MYO1D: variants seen among roughly 807,000 people sequenced by gnomAD.
The protein encoded by MYO1D is unconventional myosin-Id.
In MYO1D, 83 loss-of-function variants were observed where a neutral mutation model predicts 122.0. That is an observed-to-expected ratio of 0.68 (90% CI 0.57 to 0.82). The LOEUF (loss-of-function observed/expected upper bound fraction) is 0.82. Among genes scored for constraint, MYO1D ranks in the 40% least tolerant of loss-of-function variants. The probability of loss-of-function intolerance (pLI) is 0.00; values close to 1 mark genes in which losing one functional copy is unlikely to be tolerated. For synonymous variants in MYO1D, 464 were observed against 446.9 expected (o/e 1.04, Z -0.48); for missense variants, 1,157 against 1,269.5 (o/e 0.91, Z 1.35).
chr17:32,551,906 T>C (rs1233130382), intron 21 of MYO1D, among the ~76,000 whole-genome samples: 2 of 152,170 alleles, frequency 1.3e-5, no homozygotes, highest in African/African-American at 4.8e-5. Context: ...GCTTTGTCCT[T>C]AGCCTAGAAG....
intron 1 of MYO1D, among the ~76,000 whole-genome samples, chr17:32,783,623 T>C (rs893774953): frequency 5.9e-5 from 9 of 152,226 alleles, no homozygotes; most frequent in African/African-American, 2.2e-4. Flanking sequence ...CACAAAACGT[T>C]AGAAGCTCAT....
intron 21 of MYO1D, among the ~76,000 whole-genome samples, chr17:32,524,564 CT>C (rs11323072): frequency 0.062 from 7,402 of 119,226 alleles, 443 homozygotes; most frequent in African/African-American, 0.18. Flanking sequence ...CTGATTAATT[CT>C]TTTTTTTTTT....
intron 21 of MYO1D, among the ~76,000 whole-genome samples, chr17:32,528,358 TG>T (rs1327177500): frequency 2.9e-4 from 44 of 152,206 alleles, no homozygotes; most frequent in African/African-American, 1.0e-3. Context: ...AGGAAGTGCA[TG>T]GCAGAGCTGG....
chr17:32,608,881 T>C (rs1300285438), intron 20 of MYO1D, among the ~76,000 whole-genome samples: 1 of 152,166 alleles, frequency 6.6e-6, no homozygotes, highest in East Asian at 1.9e-4. Context: ...ACAGGCATTA[T>C]GGTTGAATGA....
At chr17:32,550,133 T>C (rs9901088) in intron 21 of MYO1D, among the ~76,000 whole-genome samples, 12,400 of 151,120 alleles carry the variant, frequency 0.082, 1,519 homozygotes, top group African/African-American at 0.26. Flanking sequence ...GGAGTCTAAC[T>C]CTGTTGCCCA....
intron 1 of MYO1D, among the ~76,000 whole-genome samples, chr17:32,789,328 C>G (rs1212797138): frequency 6.6e-6 from 1 of 152,102 alleles, no homozygotes. Context: ...TGAACGTGGG[C>G]ATTCTTGTTT....
At chr17:32,725,984 T>C (rs527703922) in intron 14 of MYO1D, among the ~76,000 whole-genome samples, 20 of 152,366 alleles carry the variant, frequency 1.3e-4, no homozygotes, top group South Asian at 1.2e-3. Context: ...CGTAGAATTT[T>C]ACACTGAGCA....
At chr17:32,729,652 G>A (rs2089614483) in intron 14 of MYO1D, among the ~76,000 whole-genome samples, 1 of 152,302 alleles carries the variant, frequency 6.6e-6, no homozygotes, top group African/African-American at 2.4e-5. Context: ...TACACCTCAT[G>A]GTTGTTTTTG....
chr17:32,607,472 T>A (rs1257178573), intron 20 of MYO1D, among the ~76,000 whole-genome samples: 1 of 152,058 alleles, frequency 6.6e-6, no homozygotes, highest in Non-Finnish European at 1.5e-5. Flanking sequence ...CTACAAAATG[T>A]TGAACAAGTT....
chr17:32,528,261 G>A (rs75902586), intron 21 of MYO1D, among the ~76,000 whole-genome samples: 19 of 152,310 alleles, frequency 1.2e-4, no homozygotes, highest in East Asian at 1.2e-3. Flanking sequence ...GATCAGAGGC[G>A]ATGTCTAGCC....
rs1352265162 is a variant in MYO1D at position 32,527,075 on chromosome 17, A to G, written c.2865-32160T>C. On this transcript the variant is annotated intron_variant, in intron 21 of 21. Coordinates refer to ENST00000318217, the MANE Select transcript of MYO1D (RefSeq NM_015194.3). ...AGTGCTGCTTGGTTTCTCTACAAAC[A>G]CTTTTCGTAAGACCACAGTGGGGTC... Among the ~76,000 whole-genome samples, 5 of 152,244 alleles carry G rather than the reference A, an allele frequency of 3.3e-5. No homozygotes were observed. In the East Asian group the frequency reaches 5.8e-4, roughly 18 times the overall value.
intron 21 of MYO1D, among the ~76,000 whole-genome samples, chr17:32,575,341 A>C (rs1157161059): frequency 1.3e-5 from 2 of 152,258 alleles, no homozygotes; most frequent in East Asian, 3.8e-4. Flanking sequence ...CAGCAGCCTC[A>C]GGCTACAAAG....
At chr17:32,769,754 A>C (rs553372777) in intron 6 of MYO1D, among the ~76,000 whole-genome samples, 1 of 151,878 alleles carries the variant, frequency 6.6e-6, no homozygotes, top group East Asian at 1.9e-4. Flanking sequence ...TTAGGTTTTG[A>C]CTATGATCAT....
intron 21 of MYO1D, among the ~76,000 whole-genome samples, chr17:32,597,964 T>C (rs1164521259): frequency 6.6e-6 from 1 of 152,040 alleles, no homozygotes; most frequent in Non-Finnish European, 1.5e-5. Flanking sequence ...TGCCCTTTTT[T>C]CCTCTTATTT....
intron 13 of MYO1D, among the ~76,000 whole-genome samples, chr17:32,739,819 G>A (rs1598054652): frequency 1.3e-5 from 2 of 152,196 alleles, no homozygotes; most frequent in East Asian, 3.9e-4. Flanking sequence ...AATAATAGCT[G>A]CAAGATGAAA....
At chr17:32,792,976 T>C (rs995909660) in intron 1 of MYO1D, among the ~76,000 whole-genome samples, 14 of 152,144 alleles carry the variant, frequency 9.2e-5, no homozygotes, top group Admixed American at 5.9e-4. Context: ...ACTGATTGTG[T>C]GCATTTATAA....
chr17:32,584,377 T>C (rs1438472232), intron 21 of MYO1D, among the ~76,000 whole-genome samples: 1 of 152,150 alleles, frequency 6.6e-6, no homozygotes, highest in Non-Finnish European at 1.5e-5. Flanking sequence ...ATTTTTCTGG[T>C]TTCTATGATG....
intron 1 of MYO1D, among the ~76,000 whole-genome samples, chr17:32,872,766 G>A (rs534398973): frequency 2.0e-5 from 3 of 147,736 alleles, no homozygotes; most frequent in Non-Finnish European, 4.5e-5. Flanking sequence ...GCGCAATCTC[G>A]GCTCACTGCA....
chr17:32,688,122 A>T (rs747957107), intron 16 of MYO1D, among the ~76,000 whole-genome samples: 1 of 152,194 alleles, frequency 6.6e-6, no homozygotes, highest in Non-Finnish European at 1.5e-5. Context: ...TGGGAGGAAC[A>T]TTCATATGCG....
Sources: gnomAD v4.1 joint callset for allele counts (sites outside exome capture counted in the v4.1 genomes callset) on GRCh38, gnomAD v4.1.1 for gene constraint, MANE v1.5 for transcripts, NCBI Gene and HGNC (gene_info 2026-07-23, HGNC 2026-07-21) for gene names.